Variants in C4orf51 observed in about 807,000 individuals in gnomAD.
The protein encoded by C4orf51 is chromosome 4 open reading frame 51.
Under a neutral mutation model 25.2 loss-of-function variants are expected in C4orf51, and 25 were observed. The observed-to-expected ratio is 0.99, with a 90% CI of 0.72 to 1.39. The LOEUF (loss-of-function observed/expected upper bound fraction) is 1.39, where lower values mean the gene tolerates loss of function less well. Among genes scored for constraint, C4orf51 ranks in the 40% most tolerant of loss-of-function variants. C4orf51 has a pLI of 0.00. For synonymous variants in C4orf51, 100 were observed against 84.5 expected, an observed-to-expected ratio of 1.18 and a Z score of -1.01; for missense variants, 252 against 239.6, an observed-to-expected ratio of 1.05 and a Z score of -0.34.
intron 1 of C4orf51, among the ~76,000 whole-genome samples, chr4:145,739,515 C>A (rs1202156025): frequency 6.6e-6 from 1 of 152,190 alleles, no homozygotes; most frequent in Non-Finnish European, 1.5e-5. Context: ...GAGATACAAA[C>A]AAAATCATAT....
intron 2 of C4orf51, among the ~76,000 whole-genome samples, chr4:145,726,502 G>A (rs1328085251): frequency 6.6e-6 from 1 of 152,076 alleles, no homozygotes; most frequent in Non-Finnish European, 1.5e-5. Context: ...CCCAGGCTCA[G>A]GCAATCCTCC....
intron 1 of C4orf51, among the ~76,000 whole-genome samples, chr4:145,682,285 AT>A (rs1425409822): frequency 6.6e-6 from 1 of 152,232 alleles, no homozygotes; most frequent in Non-Finnish European, 1.5e-5. Flanking sequence ...AGCAAGTGTT[AT>A]AAATGAAGAT....
chr4:145,729,365 G>A (rs900757391), intron 4 of C4orf51, 136 bp downstream of exon 4: 20 of 558,676 alleles, frequency 3.6e-5, no homozygotes, highest in Non-Finnish European at 5.5e-5. Context: ...GCAGTGGCGC[G>A]ATCTCGGCTC....
At chr4:145,743,350 C>A (rs1461832237) in intron 1 of C4orf51, among the ~76,000 whole-genome samples, 2 of 152,182 alleles carry the variant, frequency 1.3e-5, no homozygotes, top group Non-Finnish European at 2.9e-5. Flanking sequence ...GGCTTTCTTG[C>A]TGCATCATCC....
At position 145,763,573 on chromosome 4, in the gene C4orf51, T is replaced by G. The variant is rs1274719834; in HGVS notation, n.167-7415T>G. On this transcript the variant is annotated intron_variant and non_coding_transcript_variant, in intron 1 of 1. Coordinates refer to the C4orf51 transcript ENST00000510096. This position sits in a 1 kb window ranked among gnomAD's most constrained non-coding sequence, Gnocchi z 4.6. Reference sequence around the variant, plus strand: ...CCAATGGCTTCAGAGGCTGGGGACTTTGGAGGTCCCTGAGGAAAGGCGAAC... The same window carrying G: ...CCAATGGCTTCAGAGGCTGGGGACTGTGGAGGTCCCTGAGGAAAGGCGAAC... 1.3e-5 allele frequency among the ~76,000 whole-genome samples: 2 copies of G among 152,156 alleles called. No individual in the cohort carries two copies. The highest frequency in any genetic ancestry group is 2.9e-5 in the Non-Finnish European group (2 of 68,024).
At chr4:145,792,045 A>C in the C4orf51 span, among the ~76,000 whole-genome samples, 1 of 152,210 alleles carries the variant, frequency 6.6e-6, no homozygotes. Flanking sequence ...AAGTAGATAA[A>C]GGCTGATAGC....
chr4:145,682,152 G>A (rs906290621), intron 1 of C4orf51, among the ~76,000 whole-genome samples: 36 of 152,210 alleles, frequency 2.4e-4, no homozygotes, highest in East Asian at 1.3e-3. Context: ...CAACCAAGGC[G>A]GCCTGTGACA....
chr4:145,780,622 A>G, the C4orf51 span, among the ~76,000 whole-genome samples: 1 of 152,218 alleles, frequency 6.6e-6, no homozygotes, highest in Non-Finnish European at 1.5e-5. Flanking sequence ...GAACTGTACC[A>G]GATTATACAA....
At position 145,761,699 on chromosome 4, in the gene C4orf51, G is replaced by T; in HGVS notation, n.167-9289G>T. 2 of 743,582 alleles carry T rather than the reference G, an allele frequency of 2.7e-6. No individual in the cohort carries two copies. The highest frequency in any genetic ancestry group is 6.6e-5 in the East Asian group (1 of 15,068). 46.1% of individuals were successfully genotyped at this position (743,582 alleles called of 1,614,324 possible). A position where few individuals can be genotyped will look rare whatever the true frequency, so the allele number is the denominator to read the frequency against. On this transcript the variant is annotated intron_variant and non_coding_transcript_variant, in intron 1 of 1. Coordinates refer to the C4orf51 transcript ENST00000510096. This position sits in a 1 kb window ranked among gnomAD's most constrained non-coding sequence, Gnocchi z 6.8. ...GCCTTCCCTCACACCACCCCCCAGT[G>T]TCTGAGGCCTGGCCTGCCCAGCCCA...
the C4orf51 span, among the ~76,000 whole-genome samples, chr4:145,783,534 T>A: frequency 6.6e-6 from 1 of 152,270 alleles, no homozygotes; most frequent in African/African-American, 2.4e-5. Context: ...ATTCTCTTTA[T>A]GATGAACTCT....
rs1302652089 is a variant in C4orf51 at position 145,761,367 on chromosome 4, G to C, written n.167-9621G>C. ...GGTCACAGTGGAAGGGCCGCTCCCCGGTGTGGACGCGCACGTGCTCGATGA... is the reference window on the plus strand; with the variant it reads ...GGTCACAGTGGAAGGGCCGCTCCCCCGTGTGGACGCGCACGTGCTCGATGA... On this transcript the variant is annotated intron_variant and non_coding_transcript_variant, in intron 1 of 1. Coordinates refer to the C4orf51 transcript ENST00000510096. The surrounding 1 kb of genome is among the most constrained non-coding windows in gnomAD (Gnocchi z 6.8). 7.8e-7 allele frequency: 1 copy of C among 1,289,948 alleles called. No individual in the cohort carries two copies. Among genetic ancestry groups the C allele is most frequent in the Non-Finnish European group, 1.0e-6 (1 of 988,904 alleles). 79.9% of individuals were successfully genotyped at this position (1,289,948 alleles called of 1,614,324 possible).
chr4:145,752,749 G>A (rs1733738109), intron 1 of C4orf51, among the ~76,000 whole-genome samples: 2 of 152,156 alleles, frequency 1.3e-5, no homozygotes, highest in Non-Finnish European at 2.9e-5. Context: ...GCTGCCTTTT[G>A]AGTTTATTTA....
chr4:145,707,776 GAGA>G (rs1434696965), intron 2 of C4orf51, among the ~76,000 whole-genome samples: 1 of 152,202 alleles, frequency 6.6e-6, no homozygotes, highest in Non-Finnish European at 1.5e-5. Context: ...AGGTTGCTCA[GAGA>G]AGGAGATTAG....
At chr4:145,705,653 A>T (rs551579396) in intron 2 of C4orf51, among the ~76,000 whole-genome samples, 1 of 152,198 alleles carries the variant, frequency 6.6e-6, no homozygotes, top group East Asian at 1.9e-4. Context: ...TGTCCAAGAG[A>T]GACAGGGACA....
chr4:145,774,791 C>G (rs1321866666), downstream of C4orf51: 1 of 1,158,746 alleles, frequency 8.6e-7, no homozygotes, highest in East Asian at 2.6e-5. Flanking sequence ...ACACATTTGT[C>G]TCTCCACCAA....
At chr4:145,722,975 C>G (rs949271856) in intron 2 of C4orf51, among the ~76,000 whole-genome samples, 2 of 152,174 alleles carry the variant, frequency 1.3e-5, no homozygotes, top group African/African-American at 4.8e-5. Context: ...GGAAAACAAG[C>G]TAGGGCCCGC....
downstream of C4orf51, among the ~76,000 whole-genome samples, chr4:145,736,909 T>C (rs189062183): frequency 2.5e-4 from 38 of 152,300 alleles, no homozygotes; most frequent in Middle Eastern, 3.4e-3. Flanking sequence ...TAGAAGGCCT[T>C]CTGGGCAGAA....
chr4:145,746,059 C>G (rs1201173429), intron 1 of C4orf51, among the ~76,000 whole-genome samples: 1 of 152,058 alleles, frequency 6.6e-6, no homozygotes, highest in Non-Finnish European at 1.5e-5. Flanking sequence ...ATTTTAAAAT[C>G]AGATTATTAT....
At chr4:145,703,292 A>G (rs994733204) in intron 2 of C4orf51, among the ~76,000 whole-genome samples, 3 of 151,676 alleles carry the variant, frequency 2.0e-5, no homozygotes, top group Non-Finnish European at 4.4e-5. Flanking sequence ...ACCCCCACTG[A>G]GCACCTTGCG....
Sources: gnomAD v4.1 joint callset for allele counts (sites outside exome capture counted in the v4.1 genomes callset) on GRCh38, gnomAD v4.1.1 for gene constraint, Gnocchi (gnomAD v3.1) non-coding constraint, MANE v1.5 for transcripts, NCBI Gene and HGNC (gene_info 2026-07-23, HGNC 2026-07-21) for gene names.